AFF3: variants seen among roughly 807,000 people sequenced by gnomAD.
AFF3 encodes AF4/FMR2 family member 3.
Under a neutral mutation model 129.7 loss-of-function variants are expected in AFF3, and 32 were observed. That is an observed-to-expected ratio of 0.25 (90% CI 0.19 to 0.33). AFF3 has a LOEUF of 0.33. AFF3 is among the 10% of genes least tolerant of loss of function. The probability of loss-of-function intolerance (pLI) is 1.00; values close to 1 mark genes in which losing one functional copy is unlikely to be tolerated. For synonymous variants in AFF3, 644 were observed against 635.4 expected, an observed-to-expected ratio of 1.01 and a Z score of -0.20; for missense variants, 1,373 against 1,592.0, an observed-to-expected ratio of 0.86 and a Z score of 2.34.
chr2:99,720,370 T>G (rs1010153874), intron 11 of AFF3, among the ~76,000 whole-genome samples: 18 of 152,204 alleles, frequency 1.2e-4, no homozygotes, highest in Non-Finnish European at 4.4e-5. Flanking sequence ...AAAGAGTTCC[T>G]GGAAGAGTAG....
intron 7 of AFF3, among the ~76,000 whole-genome samples, chr2:99,994,649 A>G (rs1680667431): frequency 6.6e-6 from 1 of 152,222 alleles, no homozygotes; most frequent in Non-Finnish European, 1.5e-5. Flanking sequence ...TGGGAAAACT[A>G]GAAAAGGATA....
At chr2:99,786,282 G>C (rs1684785690) in intron 8 of AFF3, among the ~76,000 whole-genome samples, 1 of 152,124 alleles carries the variant, frequency 6.6e-6, no homozygotes, top group African/African-American at 2.4e-5. Flanking sequence ...ATTGATAACG[G>C]TATTTGACTC....
At chr2:100,034,148 T>C (rs1684728136) in intron 4 of AFF3, among the ~76,000 whole-genome samples, 1 of 152,228 alleles carries the variant, frequency 6.6e-6, no homozygotes, top group Non-Finnish European at 1.5e-5. Context: ...GATTGCTCTA[T>C]TTGTTTTCCA....
At chr2:100,129,933 G>A (rs2118280) in intron 1 of AFF3, among the ~76,000 whole-genome samples, 61,490 of 151,996 alleles carry the variant, frequency 0.4, 12,777 homozygotes, top group East Asian at 0.64. Flanking sequence ...GGGAGGCACA[G>A]TTGGGATTTC....
At chr2:99,810,547 C>G (rs1405803534) in intron 8 of AFF3, among the ~76,000 whole-genome samples, 1 of 152,216 alleles carries the variant, frequency 6.6e-6, no homozygotes, top group Non-Finnish European at 1.5e-5. Context: ...CTTAAATCCT[C>G]CAGGTAATTG....
chr2:99,718,719 A>G (rs890944017), intron 11 of AFF3, among the ~76,000 whole-genome samples: 1 of 151,796 alleles, frequency 6.6e-6, no homozygotes, highest in African/African-American at 2.4e-5. Context: ...TTGGAAATTC[A>G]CTATTGAATA....
At position 100,142,563 on chromosome 2, in the gene AFF3, C is replaced by A. The variant is rs1203467816; in HGVS notation, c.-307G>T. ...CTTCTGAGGCTGAGCGTGGAGCTCT[C>A]TTCTCGCTGGCGAGCTTTCTGAATG... On this transcript the variant is annotated 5_prime_UTR_variant, in exon 1 of 25. Coordinates refer to ENST00000672756, the MANE Select transcript of AFF3 (RefSeq NM_001386135.1). 8 of 152,524 alleles carry A rather than the reference C, an allele frequency of 5.2e-5. No individual in the cohort carries two copies. Among genetic ancestry groups the A allele is most frequent in the African/African-American group, 1.9e-4 (8 of 41,584 alleles). The allele number at this position is 152,524 out of a possible 1,614,324, so 9.4% of individuals were successfully genotyped here. A position where few individuals can be genotyped will look rare whatever the true frequency, so the allele number is the denominator to read the frequency against.
chr2:99,547,859 A>T lies in AFF3; in HGVS notation c.*3615T>A, dbSNP rs1437367868. On this transcript the variant is annotated 3_prime_UTR_variant, in exon 25 of 25. Transcript: ENST00000672756. ...TAATACACACATCATTGTTGTACAT[A>T]TGAGGATAAGTTTTAGTGCAGAAAG... 1 of 212,960 alleles carries T rather than the reference A, an allele frequency of 4.7e-6. No homozygotes were observed. The highest frequency in any genetic ancestry group is 9.5e-6 in the Non-Finnish European group (1 of 105,016). 13.2% of individuals were successfully genotyped at this position (212,960 alleles called of 1,614,324 possible). A position where few individuals can be genotyped will look rare whatever the true frequency, so the allele number is the denominator to read the frequency against.
intron 7 of AFF3, among the ~76,000 whole-genome samples, chr2:99,840,677 C>T (rs997078524): frequency 6.6e-6 from 1 of 152,180 alleles, no homozygotes; most frequent in African/African-American, 2.4e-5. Flanking sequence ...CAATTCCTTA[C>T]CACAGGACTG....
Position 99,550,665 on chromosome 2 carries a change from C to CA in AFF3, c.*808dup, listed in dbSNP as rs1674341687. The stretch of plus-strand genomic sequence containing the variant: ...AAAACTTCAACTCCTAACTGAGCTC[C>CA]AACACACAGGCACTGCTACCTTAGT... On this transcript the variant is annotated 3_prime_UTR_variant, in exon 25 of 25. Coordinates refer to ENST00000672756, the MANE Select transcript of AFF3 (RefSeq NM_001386135.1). The CA allele has an allele frequency of 4.3e-6, 1 of 232,822 alleles. No homozygotes were observed. Among genetic ancestry groups the CA allele is most frequent in the East Asian group, 6.1e-5 (1 of 16,522 alleles). The allele number at this position is 232,822 out of a possible 1,614,324, so 14.4% of individuals were successfully genotyped here.
intron 7 of AFF3, among the ~76,000 whole-genome samples, chr2:99,986,044 CA>C (rs1559033931): frequency 6.6e-6 from 1 of 151,494 alleles, no homozygotes; most frequent in African/African-American, 2.4e-5. Flanking sequence ...GCTAAAAATA[CA>C]AAAAAATTAG....
chr2:100,075,674 T>C (rs1688529737), intron 4 of AFF3, among the ~76,000 whole-genome samples: 1 of 152,226 alleles, frequency 6.6e-6, no homozygotes, highest in Admixed American at 6.5e-5. Context: ...AGGGAAAATC[T>C]CAAATTCTGT....
chr2:100,025,022 G>A (rs1018503908), intron 4 of AFF3, among the ~76,000 whole-genome samples: 7 of 152,108 alleles, frequency 4.6e-5, no homozygotes, highest in African/African-American at 1.4e-4. Flanking sequence ...GACAGTGTAA[G>A]TTTTAATTTG....
intron 8 of AFF3, among the ~76,000 whole-genome samples, chr2:99,812,927 CTTAA>C (rs1407481377): frequency 1.3e-5 from 2 of 152,044 alleles, no homozygotes; most frequent in African/African-American, 4.8e-5. Context: ...TATCAATTCT[CTTAA>C]TTATTTAGTC....
chr2:99,812,916 A>T (rs1454880904), intron 8 of AFF3, among the ~76,000 whole-genome samples: 1 of 152,168 alleles, frequency 6.6e-6, no homozygotes, highest in African/African-American at 2.4e-5. Flanking sequence ...ATGACTCTGC[A>T]TATCAATTCT....
intron 7 of AFF3, among the ~76,000 whole-genome samples, chr2:99,900,645 C>T (rs760924017): frequency 2.0e-5 from 3 of 152,188 alleles, no homozygotes; most frequent in African/African-American, 4.8e-5. Flanking sequence ...CCCAGCAGGA[C>T]ACAGTGGGCC....
chr2:100,022,577 A>G (rs1342828431), intron 4 of AFF3, among the ~76,000 whole-genome samples: 1 of 151,472 alleles, frequency 6.6e-6, no homozygotes, highest in Non-Finnish European at 1.5e-5. Context: ...TGCCTGGCCA[A>G]TTTTTTTTAT....
At chr2:99,931,763 G>A (rs543467071) in intron 7 of AFF3, among the ~76,000 whole-genome samples, 5 of 152,148 alleles carry the variant, frequency 3.3e-5, no homozygotes, top group Non-Finnish European at 5.9e-5. Flanking sequence ...ACAAAAATTA[G>A]CCAGGCATGG....
chr2:100,018,145 C>A (rs1683292065), intron 4 of AFF3, among the ~76,000 whole-genome samples: 1 of 152,086 alleles, frequency 6.6e-6, no homozygotes, highest in Non-Finnish European at 1.5e-5. Context: ...CTAGTCCCTA[C>A]ATTTTTTCAA....
Sources: allele counts gnomAD v4.1 joint callset (sites outside exome capture counted in the v4.1 genomes callset), GRCh38; gene constraint gnomAD v4.1.1; transcripts MANE v1.5; gene names NCBI Gene and HGNC (gene_info 2026-07-23, HGNC 2026-07-21).